MYPN: variants seen among roughly 807,000 people sequenced by gnomAD.
MYPN encodes the protein myopalladin, also known as sarcomeric protein myopalladin, 145 kDa (MYOP).
A neutral mutation model predicts 129.4 loss-of-function variants in MYPN; 63 were observed. The ratio of observed to expected loss-of-function variants is 0.49; its 90% CI spans 0.40 to 0.60. The LOEUF (loss-of-function observed/expected upper bound fraction) is 0.60. Ranked by LOEUF, MYPN falls within the 20% of genes least tolerant of loss-of-function variation. The pLI, the probability that MYPN is intolerant of heterozygous loss-of-function variation, is 0.00. For synonymous variants in MYPN, 629 were observed against 600.9 expected (o/e 1.05, Z -0.68); for missense variants, 1,596 against 1,635.4 (o/e 0.98, Z 0.42).
chr10:68,163,662 T>A (rs998515647), intron 8 of MYPN, among the ~76,000 whole-genome samples: 4 of 151,902 alleles, frequency 2.6e-5, no homozygotes, highest in African/African-American at 9.7e-5. Flanking sequence ...ATAAAAGAAA[T>A]CCTGTCTATA....
At chr10:68,208,826 G>A (rs1046049369) in intron 19 of MYPN, among the ~76,000 whole-genome samples, 9 of 152,066 alleles carry the variant, frequency 5.9e-5, no homozygotes, top group African/African-American at 2.2e-4. Flanking sequence ...ATAGGGACAC[G>A]TAGGGCTCCC....
intron 6 of MYPN, among the ~76,000 whole-genome samples, chr10:68,153,922 G>GTTTTTTTTT (rs758603536): frequency 6.9e-6 from 1 of 145,134 alleles, no homozygotes. Context: ...CAAGAAGCCA[G>GTTTTTTTTT]TTTTTTTTTT....
At chr10:68,161,626 C>G (rs2042978129) in intron 7 of MYPN, 103 bp from the exon 8 acceptor site, 10 of 845,532 alleles carry the variant, frequency 1.2e-5, no homozygotes, top group Admixed American at 3.9e-5. Context: ...TGTATCACTC[C>G]TGAGTGTGCA....
chr10:68,136,470 T>C (rs954505996), intron 2 of MYPN: 75 of 1,116,290 alleles, frequency 6.7e-5, no homozygotes, highest in Non-Finnish European at 8.5e-5. Context: ...TGGTTCCCCC[T>C]GACCCTCAAA....
chr10:68,210,553 T>C lies in MYPN; in HGVS notation c.*98T>C. ...TTCCAAGCAACCGAAGTTGAGTAAGTTCCCACACTGCTGGACCTGTGGCAA... is the reference window on the plus strand; with the variant it reads ...TTCCAAGCAACCGAAGTTGAGTAAGCTCCCACACTGCTGGACCTGTGGCAA... On this transcript the variant is annotated 3_prime_UTR_variant, in exon 20 of 20. Coordinates refer to ENST00000358913, the MANE Select transcript of MYPN (RefSeq NM_032578.4). 7.2e-7 allele frequency: 1 copy of C among 1,396,388 alleles called. No homozygotes were observed. Among genetic ancestry groups the C allele is most frequent in the Non-Finnish European group, 1.0e-6 (1 of 993,582 alleles). The allele number at this position is 1,396,388 out of a possible 1,614,324, so 86.5% of individuals were successfully genotyped here. A position where few individuals can be genotyped will look rare whatever the true frequency, so the allele number is the denominator to read the frequency against.
At chr10:68,203,516 G>A (rs1466568819) in intron 18 of MYPN, among the ~76,000 whole-genome samples, 1 of 151,938 alleles carries the variant, frequency 6.6e-6, no homozygotes, top group African/African-American at 2.4e-5. Context: ...TTGAACTCAG[G>A]ATTTGAAGGC....
chr10:68,199,497 C>T lies in MYPN; in HGVS notation c.3415C>T (p.Arg1139Cys), dbSNP rs149412051. The T allele has an allele frequency of 9.9e-6, 16 of 1,613,990 alleles. No homozygotes were observed. The highest frequency in any genetic ancestry group is 2.7e-5 in the African/African-American group (2 of 74,882). The change falls in exon 17 of 20, where the codon CGC becomes TGC. Residue 1139 changes from arginine to cysteine, a missense_variant. Arg to Cys is a radical substitution (Grantham distance 180). Transcript: ENST00000358913. ...HSLLIDPLTQ[R>C]DAGTYKCIAT... ...TCTGCTCATTGACCCACTCACTCAG[C>T]GCGACGCAGGGACCTATAAGTGCAT...
chr10:68,186,243 G>A (rs1175162022), intron 12 of MYPN, among the ~76,000 whole-genome samples: 4 of 152,114 alleles, frequency 2.6e-5, no homozygotes, highest in African/African-American at 9.7e-5. Flanking sequence ...CCCAGTTTGA[G>A]ACGAGGCAGA....
At chr10:68,157,911 CA>C (rs1055467222) in intron 6 of MYPN, among the ~76,000 whole-genome samples, 8 of 148,298 alleles carry the variant, frequency 5.4e-5, no homozygotes, top group African/African-American at 1.7e-4. Flanking sequence ...AAAACAACAA[CA>C]AAAAAACCAC....
chr10:68,210,633 A>T lies in MYPN; in HGVS notation c.*178A>T. On this transcript the variant is annotated 3_prime_UTR_variant, in exon 20 of 20. Coordinates refer to ENST00000358913, the MANE Select transcript of MYPN (RefSeq NM_032578.4). ...TCTTGCAGTCTCAGCTGAGGGAGAA[A>T]GGTAGGGCTGTGCCTTCTAAAGATT... 4 of 739,326 alleles carry T rather than the reference A, an allele frequency of 5.4e-6. No individual in the cohort carries two copies. The highest frequency in any genetic ancestry group is 9.6e-6 in the Non-Finnish European group (4 of 418,724). The allele number at this position is 739,326 out of a possible 1,614,324, so 45.8% of individuals were successfully genotyped here. A position where few individuals can be genotyped will look rare whatever the true frequency, so the allele number is the denominator to read the frequency against.
intron 7 of MYPN, among the ~76,000 whole-genome samples, chr10:68,160,727 G>C (rs1241651937): frequency 6.6e-6 from 1 of 152,080 alleles, no homozygotes; most frequent in Admixed American, 6.6e-5. Flanking sequence ...GACCAGCCTG[G>C]CCAACATGGT....
chr10:68,181,987 T>A (rs1316302291), intron 12 of MYPN, among the ~76,000 whole-genome samples: 2 of 151,970 alleles, frequency 1.3e-5, no homozygotes, highest in East Asian at 1.9e-4. Flanking sequence ...CTCTCCAAAG[T>A]CCTCTTGCTG....
In MYPN at chr10:68,211,852, T is replaced by C. The variant is rs1347421450; in HGVS notation, c.*1397T>C. The C allele has an allele frequency of 4.4e-6, 2 of 453,528 alleles. No individual in the cohort carries two copies. Among genetic ancestry groups the C allele is most frequent in the South Asian group, 3.1e-5 (2 of 64,366 alleles). The allele number at this position is 453,528 out of a possible 1,614,324, so 28.1% of individuals were successfully genotyped here. On this transcript the variant is annotated 3_prime_UTR_variant, in exon 20 of 20. Transcript: ENST00000358913. ...TGCAGGGAAATGAATTGCAGGTGTC[T>C]GTTTTCAATTCCCTGTGCTGGAATC...
In MYPN at chr10:68,197,440, G is replaced by A. The variant is rs765335692; in HGVS notation, c.3247G>A (p.Val1083Ile). ...PHFLQAPGDM[V>I]AHEGRLCRLD... ...TTTCCTGCAGGCTCCTGGGGATATG[G>A]TAGCTCATGAGGGGCGCCTCTGTCG... The change falls in exon 16 of 20, where the codon GTA becomes ATA. Residue 1083 changes from valine (V) to isoleucine (I), a missense_variant. Transcript: ENST00000358913. The A allele has an allele frequency of 1.2e-6, 2 of 1,613,902 alleles. No individual in the cohort carries two copies. The highest frequency in any genetic ancestry group is 1.7e-5 in the Admixed American group (1 of 60,004).
intron 19 of MYPN, among the ~76,000 whole-genome samples, chr10:68,208,987 C>G (rs1295260674): frequency 6.6e-6 from 1 of 152,174 alleles, no homozygotes; most frequent in East Asian, 1.9e-4. Context: ...TGAAACCGCT[C>G]TAGGTTTGGT....
chr10:68,182,389 A>G (rs1287019783), intron 12 of MYPN, among the ~76,000 whole-genome samples: 2 of 105,370 alleles, frequency 1.9e-5, no homozygotes, highest in Admixed American at 1.1e-4. Flanking sequence ...TAACACATAT[A>G]TAACATATAT....
intron 2 of MYPN, among the ~76,000 whole-genome samples, chr10:68,134,749 C>T (rs983969290): frequency 1.3e-5 from 2 of 151,870 alleles, no homozygotes; most frequent in Admixed American, 6.6e-5. Context: ...GAGCCGAAAT[C>T]GCACCACTGC....
upstream of MYPN, among the ~76,000 whole-genome samples, chr10:68,107,069 A>T (rs1475085650): frequency 6.6e-6 from 1 of 152,252 alleles, no homozygotes; most frequent in Non-Finnish European, 1.5e-5. Flanking sequence ...TTGTGATATA[A>T]TGTTTATACA....
At chr10:68,111,786 C>A (rs951672854) in intron 1 of MYPN, among the ~76,000 whole-genome samples, 1 of 152,184 alleles carries the variant, frequency 6.6e-6, no homozygotes, top group Non-Finnish European at 1.5e-5. Context: ...GACCTCCACT[C>A]GGAGTCACAG....
Sources: allele counts gnomAD v4.1 joint callset (sites outside exome capture counted in the v4.1 genomes callset), GRCh38; gene constraint gnomAD v4.1.1; transcripts MANE v1.5; gene names NCBI Gene and HGNC (gene_info 2026-07-23, HGNC 2026-07-21).